The following PI4KA variants were observed in gnomAD, a reference collection of about 807,000 sequenced individuals.
PI4KA encodes the protein PI4-kinase alpha.
Under a neutral mutation model 271.4 loss-of-function variants are expected in PI4KA, and 122 were observed. The observed-to-expected ratio is 0.45, with a 90% confidence interval of 0.39 to 0.52. The LOEUF (loss-of-function observed/expected upper bound fraction) is 0.52. PI4KA is among the 20% of genes least tolerant of loss of function. The pLI is 0.00. For synonymous variants in PI4KA, 1,041 were observed against 1,078.8 expected (o/e 0.96, Z 0.69); for missense variants, 1,969 against 2,769.1 (o/e 0.71, Z 6.48).
chr22:20,838,740 T>C lies in PI4KA; in HGVS notation c.157-9A>G, dbSNP rs572987329. The C allele has an allele frequency of 5.2e-6, 8 of 1,524,320 alleles. No individual in the cohort carries two copies. In the South Asian group the frequency reaches 5.7e-5, roughly 11 times the overall value. 94.4% of individuals were successfully genotyped at this position (1,524,320 alleles called of 1,614,324 possible). On this transcript the variant is annotated splice_polypyrimidine_tract_variant and intron_variant, in intron 1 of 54. Transcript: ENST00000255882. ...CAAAGAAGCTTTTGGACCTAGAAAA[T>C]GAGACCCCCCCAAAAACAGCTCTAC...
intron 19 of PI4KA, chr22:20,779,526 G>T: frequency 6.2e-7 from 1 of 1,613,984 alleles, no homozygotes; most frequent in Non-Finnish European, 8.5e-7. Context: ...CTGGATTCCA[G>T]AGGGGGAGGA....
chr22:20,752,565 C>T (rs980651282), intron 25 of PI4KA, among the ~76,000 whole-genome samples: 2 of 152,196 alleles, frequency 1.3e-5, no homozygotes, highest in African/African-American at 4.8e-5. Context: ...CCCAAAGATA[C>T]TGATCCTACC....
At chr22:20,779,967 C>T (rs879862352) in intron 19 of PI4KA, 36 of 1,614,048 alleles carry the variant, frequency 2.2e-5, no homozygotes, top group African/African-American at 8.0e-5. Context: ...GTACACACTG[C>T]GGTCAGTCAA....
At chr22:20,767,257 A>G (rs1932618895) in intron 19 of PI4KA, among the ~76,000 whole-genome samples, 1 of 152,168 alleles carries the variant, frequency 6.6e-6, no homozygotes, top group African/African-American at 2.4e-5. Context: ...TCTGGCTAAC[A>G]GGGTGAAACC....
chr22:20,818,619 A>ATGT, intron 6 of PI4KA, 70 bp from the exon 7 acceptor site: 1 of 1,206,564 alleles, frequency 8.3e-7, no homozygotes, highest in South Asian at 1.6e-5. Flanking sequence ...GTCTTAGACA[A>ATGT]GGTCCTCTCT....
intron 42 of PI4KA, among the ~76,000 whole-genome samples, chr22:20,723,477 C>T (rs979174556): frequency 2.0e-5 from 3 of 151,786 alleles, no homozygotes; most frequent in African/African-American, 7.3e-5. Context: ...GCAGGTGGAT[C>T]ACCTGAGGTC....
intron 42 of PI4KA, among the ~76,000 whole-genome samples, chr22:20,722,662 C>A (rs559287864): frequency 6.6e-6 from 1 of 152,256 alleles, no homozygotes; most frequent in East Asian, 1.9e-4. Flanking sequence ...AGTTTTGAAA[C>A]TCCAGTTTTA....
intron 3 of PI4KA, among the ~76,000 whole-genome samples, chr22:20,825,169 A>C (rs1923249789): frequency 6.6e-6 from 1 of 152,032 alleles, no homozygotes; most frequent in South Asian, 2.1e-4. Context: ...ATGACAGAAG[A>C]CTTACATTTC....
intron 1 of PI4KA, among the ~76,000 whole-genome samples, chr22:20,841,426 T>A (rs1925543162): frequency 6.6e-6 from 1 of 152,142 alleles, no homozygotes; most frequent in African/African-American, 2.4e-5. Context: ...GGCTCTGGGG[T>A]ACTCTGACTT....
chr22:20,855,229 T>C (rs1365677049), intron 1 of PI4KA, among the ~76,000 whole-genome samples: 1 of 151,578 alleles, frequency 6.6e-6, no homozygotes, highest in Non-Finnish European at 1.5e-5. Flanking sequence ...AAAGGAGGAA[T>C]GTAGTAAAAC....
At chr22:20,754,321 C>G (rs1931040016) in intron 23 of PI4KA, among the ~76,000 whole-genome samples, 1 of 151,128 alleles carries the variant, frequency 6.6e-6, no homozygotes, top group Non-Finnish European at 1.5e-5. Flanking sequence ...ACTCCTGGGT[C>G]AAGCAATCCT....
At chr22:20,751,164 G>C (rs1442828483) in intron 27 of PI4KA, 129 bp downstream of exon 27, 9 of 704,430 alleles carry the variant, frequency 1.3e-5, no homozygotes, top group Non-Finnish European at 2.1e-5. Flanking sequence ...CTGGGGGATG[G>C]GGCCAGCACC....
Position 20,751,343 on chromosome 22 carries a change from G to C in PI4KA, c.3103C>G (p.Pro1035Ala), listed in dbSNP as rs1183114649. 6.2e-7 allele frequency: 1 copy of C among 1,614,074 alleles called. No homozygotes were observed. Among genetic ancestry groups the C allele is most frequent in the South Asian group, 1.1e-5 (1 of 91,082 alleles). ...ACCGTGATCCGGTAGGGGGCGTCGG[G>C]GATGTCATAGTAAGGCTGATCCTTG... Reference protein sequence around the residue: ...IHKDQPYYDIPDAPYRITVPD... With the variant: ...IHKDQPYYDIADAPYRITVPD... Residue 1035 changes from proline to alanine, a missense_variant, in exon 27 of 55, where the codon CCC becomes GCC. This residue lies in a region of PI4KA where 368 missense variants were observed against 544.3 expected (regional missense o/e 0.68). Transcript: ENST00000255882.
intron 6 of PI4KA, 23 bp from the exon 7 acceptor site, chr22:20,818,572 C>T (rs952659118): frequency 5.3e-6 from 8 of 1,517,874 alleles, no homozygotes; most frequent in Non-Finnish European, 6.1e-6. Flanking sequence ...ACCACAGTTA[C>T]ATATCAGAAA....
intron 3 of PI4KA, among the ~76,000 whole-genome samples, chr22:20,827,119 A>C (rs1923524946): frequency 6.6e-6 from 1 of 152,126 alleles, no homozygotes; most frequent in Non-Finnish European, 1.5e-5. Flanking sequence ...TTTGCCATTA[A>C]ATCTTTGCCA....
At chr22:20,731,531 C>A (rs1928050098) in intron 36 of PI4KA, among the ~76,000 whole-genome samples, 1 of 151,520 alleles carries the variant, frequency 6.6e-6, no homozygotes, top group African/African-American at 2.4e-5. Context: ...CAATGTGGCC[C>A]ACACCTGTAA....
intron 1 of PI4KA, among the ~76,000 whole-genome samples, chr22:20,845,018 G>A (rs890963371): frequency 6.6e-6 from 1 of 152,104 alleles, no homozygotes; most frequent in African/African-American, 2.4e-5. Flanking sequence ...CCCAAAATCT[G>A]ACCACGATGG....
chr22:20,736,808 C>T (rs1323668511), intron 32 of PI4KA: 3 of 154,838 alleles, frequency 1.9e-5, no homozygotes, highest in African/African-American at 7.3e-5. Flanking sequence ...CTGGCATCTA[C>T]AGTGAAGGGA....
intron 19 of PI4KA, among the ~76,000 whole-genome samples, chr22:20,776,679 G>C (rs1484734659): frequency 6.6e-6 from 1 of 152,122 alleles, no homozygotes; most frequent in Non-Finnish European, 1.5e-5. Flanking sequence ...GGGCTTAGAG[G>C]CTTAACCAAC....
Sources: allele counts gnomAD v4.1 joint callset (sites outside exome capture counted in the v4.1 genomes callset), GRCh38; gene constraint gnomAD v4.1.1; regional missense constraint gnomAD v4.1.1; transcripts MANE v1.5; gene names NCBI Gene and HGNC (gene_info 2026-07-23, HGNC 2026-07-21).